Variants in PPP1R37 observed in about 807,000 individuals in gnomAD.
PPP1R37 encodes the protein protein phosphatase 1 regulatory subunit 37.
A neutral mutation model predicts 61.0 loss-of-function variants in PPP1R37; 21 were observed. The ratio of observed to expected loss-of-function variants is 0.34; its 90% CI spans 0.24 to 0.50. The LOEUF (loss-of-function observed/expected upper bound fraction) is 0.50, where lower values mean the gene tolerates loss of function less well. Among genes scored for constraint, PPP1R37 ranks in the 20% least tolerant of loss-of-function variants. PPP1R37 has a pLI of 0.98. For missense variants in PPP1R37, 910 were observed against 952.7 expected (o/e 0.96, Z 0.59); for synonymous variants, 443 against 433.5 (o/e 1.02, Z -0.27).
chr19:45,144,941 A>C lies in PPP1R37; in HGVS notation c.1075A>C (p.Ser359Arg), dbSNP rs1233991088. 22 of 1,535,608 alleles carry C rather than the reference A, an allele frequency of 1.4e-5. No individual in the cohort carries two copies. In the South Asian group the frequency reaches 2.6e-4, roughly 18 times the overall value. Residue 359 changes from serine to arginine, a missense_variant, in exon 9 of 13, where the codon AGC (serine) becomes CGC (arginine). Coordinates refer to ENST00000221462, the MANE Select transcript of PPP1R37 (RefSeq NM_019121.2). ...GVRHLKNGLI[S>R]NRSVLRLGLA... is the part of the protein sequence containing the mutation. Reference sequence around the variant, plus strand: ...GCGGCACCTCAAGAACGGGCTCATCAGCAACCGCAGCGTGCTGCGCCTCGG... The same window carrying C: ...GCGGCACCTCAAGAACGGGCTCATCCGCAACCGCAGCGTGCTGCGCCTCGG...
At chr19:45,133,545 C>T (rs1281606692) in intron 1 of PPP1R37, among the ~76,000 whole-genome samples, 1 of 152,246 alleles carries the variant, frequency 6.6e-6, no homozygotes, top group South Asian at 2.1e-4. Context: ...CTGCGCAGCC[C>T]TTCCCTTTGG....
At position 45,141,399 on chromosome 19, in the gene PPP1R37, C is replaced by T. The variant is rs538055193; in HGVS notation, c.525C>T (p.Ile175=). The T allele has an allele frequency of 4.4e-5, 68 of 1,536,028 alleles. No individual in the cohort carries two copies. Among genetic ancestry groups the T allele is most frequent in the South Asian group, 2.6e-4 (22 of 84,060 alleles). Reference sequence around the variant, plus strand: ...TCAACATCTCCTTCAACAAGCACATCGGCACCCGGGGCTGGCAGGCGGCCG... The same window carrying T: ...TCAACATCTCCTTCAACAAGCACATTGGCACCCGGGGCTGGCAGGCGGCCG... ...THLNISFNKH[I]GTRGWQAAAH... is the part of the protein sequence containing the mutation. Residue 175 remains isoleucine (I), a synonymous_variant, in exon 5 of 13, where the codon ATC becomes ATT. Coordinates refer to ENST00000221462, the MANE Select transcript of PPP1R37 (RefSeq NM_019121.2).
At chr19:45,146,511 G>T (rs763742355) in intron 12 of PPP1R37, 31 bp downstream of exon 12, 24 of 1,455,302 alleles carry the variant, frequency 1.6e-5, no homozygotes, top group Non-Finnish European at 2.1e-5. Context: ...CACAGCACTC[G>T]GGAGGAGCTG....
chr19:45,142,260 G>A, intron 6 of PPP1R37, 43 bp from the exon 7 acceptor site: 2 of 1,534,192 alleles, frequency 1.3e-6, no homozygotes, highest in Non-Finnish European at 1.7e-6. Flanking sequence ...CCTGTTGGGG[G>A]GCAGGGGCCT....
At chr19:45,108,021 G>A (rs545608155) in intron 1 of PPP1R37, among the ~76,000 whole-genome samples, 10 of 152,308 alleles carry the variant, frequency 6.6e-5, no homozygotes, top group African/African-American at 2.2e-4. Context: ...CACACGGGTA[G>A]CCTTCTTAGA....
At chr19:45,110,835 C>T (rs1248324977) in intron 1 of PPP1R37, among the ~76,000 whole-genome samples, 2 of 152,144 alleles carry the variant, frequency 1.3e-5, no homozygotes, top group Admixed American at 6.6e-5. Context: ...TTCTAAAATT[C>T]CAATCTAAAG....
chr19:45,123,729 C>T (rs190625103), intron 1 of PPP1R37, among the ~76,000 whole-genome samples: 1 of 152,330 alleles, frequency 6.6e-6, no homozygotes, highest in Admixed American at 6.5e-5. Flanking sequence ...CTGCTCGCAC[C>T]ATTCTGTGCA....
chr19:45,119,414 A>G (rs1968311805), intron 1 of PPP1R37, among the ~76,000 whole-genome samples: 1 of 152,158 alleles, frequency 6.6e-6, no homozygotes, highest in African/African-American at 2.4e-5. Context: ...TGGCCTCCCA[A>G]AGTGCTGGGA....
At chr19:45,128,773 A>T in intron 1 of PPP1R37, 2 of 656,436 alleles carry the variant, frequency 3.0e-6, no homozygotes, top group Non-Finnish European at 5.4e-6. Flanking sequence ...GGGAAGAAAT[A>T]TAAAAATAAC....
chr19:45,146,362 G>T lies in PPP1R37; in HGVS notation c.1994-28G>T, dbSNP rs573947533. 9.8e-6 allele frequency: 15 copies of T among 1,529,440 alleles called. No homozygotes were observed. The Admixed American group carries it at 1.8e-4, about 18-fold the overall frequency. The allele number at this position is 1,529,440 out of a possible 1,614,324, so 94.7% of individuals were successfully genotyped here. Reference sequence around the variant, plus strand: ...GTTGTATTTGCCCCACCCGCCTGACGGGGGTGCTGGCCCGTCCTCCCACAC... The same window carrying T: ...GTTGTATTTGCCCCACCCGCCTGACTGGGGTGCTGGCCCGTCCTCCCACAC... On this transcript the variant is annotated intron_variant, in intron 11 of 12. Coordinates refer to ENST00000221462, the MANE Select transcript of PPP1R37 (RefSeq NM_019121.2).
chr19:45,104,954 C>T (rs1187606130), intron 1 of PPP1R37, among the ~76,000 whole-genome samples: 1 of 152,226 alleles, frequency 6.6e-6, no homozygotes, highest in Admixed American at 6.5e-5. Context: ...CTAATGGGCT[C>T]CCCGTCAGGT....
Position 45,140,574 on chromosome 19 carries a change from G to A in PPP1R37, c.415G>A (p.Val139Met). 2.0e-6 allele frequency: 3 copies of A among 1,536,042 alleles called. No homozygotes were observed. The highest frequency in any genetic ancestry group is 1.4e-5 in the African/African-American group (1 of 73,180). ...CTTCAAGAGGCTGCAGTTCAAGGTC[G>A]TGGACCTGGAGCAGACAAACCTGGA... ...EVFKRLQFKV[V>M]DLEQTNLDED... The change falls in exon 4 of 13, where the codon GTG becomes ATG. Residue 139 changes from valine to methionine, a missense_variant. Transcript: ENST00000221462.
At chr19:45,108,705 G>A (rs958460414) in intron 1 of PPP1R37, 4 of 149,296 alleles carry the variant, frequency 2.7e-5, no homozygotes, top group African/African-American at 7.4e-5. Context: ...GCAATGGCGC[G>A]ATCTCAGGTC....
At chr19:45,099,661 C>T (rs995375202) in intron 1 of PPP1R37, among the ~76,000 whole-genome samples, 1 of 152,250 alleles carries the variant, frequency 6.6e-6, no homozygotes, top group Non-Finnish European at 1.5e-5. Context: ...TATCTGTGCT[C>T]GCATCTATTT....
rs770138664 is a variant in PPP1R37, at chr19:45,145,381, C to G, written c.1325C>G (p.Ala442Gly). The G allele has an allele frequency of 1.6e-5, 25 of 1,535,246 alleles. No individual in the cohort carries two copies. The African/African-American group carries it at 3.0e-4, about 18-fold the overall frequency. ...AAGAGCTTCATCGAGACGCAGAAGG[C>G]GCTGCTGGCCGAGATCCAGAACGGC... ...AVKSFIETQK[A>G]LLAEIQNGCK... Residue 442 changes from alanine (A) to glycine (G), a missense_variant, in exon 11 of 13, where the codon GCG becomes GGG. Physicochemically the swap from Ala to Gly is moderately conservative, Grantham distance 60 (BLOSUM62 0). Around this residue, in one of 3 missense-constraint regions of PPP1R37, gnomAD observed 549 missense variants for 505.1 expected, o/e 1.09. Transcript: ENST00000221462.
chr19:45,115,974 CAAAA>C (rs35020667), intron 1 of PPP1R37, among the ~76,000 whole-genome samples: 95 of 128,318 alleles, frequency 7.4e-4, no homozygotes, highest in African/African-American at 2.6e-3. Context: ...GACTCTGTCT[CAAAA>C]AAAAAAAAAA....
At chr19:45,135,462 C>T (rs1397865121) in intron 1 of PPP1R37, among the ~76,000 whole-genome samples, 5 of 152,254 alleles carry the variant, frequency 3.3e-5, no homozygotes, top group Admixed American at 2.0e-4. Flanking sequence ...ACTTTCTCCA[C>T]AAACGATTTA....
rs1443396448 is a variant in PPP1R37 at position 45,143,639 on chromosome 19, TCAGG to T, written c.987+8_987+11del. The stretch of plus-strand genomic sequence containing the variant: ...CCTTCCTGGGCATGACACTGGTGAG[TCAGG>T]CTGGCAGGGAAGGGAGGCACCTCGG... On this transcript the variant is annotated splice_region_variant and intron_variant, in intron 8 of 12. Transcript: ENST00000221462. 1.3e-6 allele frequency: 2 copies of T among 1,518,306 alleles called. No homozygotes were observed. The highest frequency in any genetic ancestry group is 3.9e-5 in the Admixed American group (2 of 50,892). 94.1% of individuals were successfully genotyped at this position (1,518,306 alleles called of 1,614,324 possible).
intron 1 of PPP1R37, among the ~76,000 whole-genome samples, chr19:45,117,766 G>A (rs1016545819): frequency 6.6e-6 from 1 of 152,206 alleles, no homozygotes; most frequent in African/African-American, 2.4e-5. Context: ...TAGGGCAGCT[G>A]GTAGACCGGG....
Sources: allele counts gnomAD v4.1 joint callset (sites outside exome capture counted in the v4.1 genomes callset), GRCh38; gene constraint gnomAD v4.1.1; regional missense constraint gnomAD v4.1.1; transcripts MANE v1.5; gene names NCBI Gene and HGNC (gene_info 2026-07-23, HGNC 2026-07-21).